PPP2R2A: variants seen among roughly 807,000 people sequenced by gnomAD.
PPP2R2A encodes protein phosphatase 2 regulatory subunit Balpha, also known as serine/threonine-protein phosphatase 2A 55 kDa regulatory subunit B alpha isoform.
Under a neutral mutation model 53.2 loss-of-function variants are expected in PPP2R2A, and 9 were observed. The observed-to-expected ratio is 0.17, with a 90% CI of 0.10 to 0.30. The LOEUF (loss-of-function observed/expected upper bound fraction) is 0.30. Among genes scored for constraint, PPP2R2A ranks in the 10% least tolerant of loss-of-function variants. The probability of loss-of-function intolerance (pLI) is 1.00; values close to 1 mark genes in which losing one functional copy is unlikely to be tolerated. For synonymous variants in PPP2R2A, 169 were observed against 174.2 expected (o/e 0.97, Z 0.23); for missense variants, 235 against 534.6 (o/e 0.44, Z 5.53).
At chr8:26,294,778 A>G (rs1457645188) in intron 2 of PPP2R2A, among the ~76,000 whole-genome samples, 1 of 151,940 alleles carries the variant, frequency 6.6e-6, no homozygotes, top group African/African-American at 2.4e-5. Flanking sequence ...TGTCAGTGTC[A>G]TCCTTAATTG....
Position 26,291,598 on chromosome 8 carries a change from G to A in PPP2R2A, c.-222G>A. 3.6e-6 allele frequency: 2 copies of A among 561,604 alleles called. No homozygotes were observed. The highest frequency in any genetic ancestry group is 4.3e-5 in the South Asian group (2 of 46,154). 34.8% of individuals were successfully genotyped at this position (561,604 alleles called of 1,614,324 possible). A position where few individuals can be genotyped will look rare whatever the true frequency, so the allele number is the denominator to read the frequency against. The stretch of plus-strand genomic sequence containing the variant: ...TGTCGTAGTCGCCGCCGCCGCTGCC[G>A]GAGAAAGAGCACGAGCGGGGAAGCC... On this transcript the variant is annotated 5_prime_UTR_variant, in exon 1 of 10. Coordinates refer to ENST00000380737, the MANE Select transcript of PPP2R2A (RefSeq NM_002717.4).
At chr8:26,365,824 G>A (rs1805344828) in intron 8 of PPP2R2A, 1 of 152,044 alleles carries the variant, frequency 6.6e-6, no homozygotes, top group Admixed American at 6.6e-5. Context: ...ACCAAACCAA[G>A]GCATGGTTAC....
chr8:26,360,332 A>G lies in PPP2R2A; in HGVS notation c.459+51A>G, dbSNP rs767047826. On this transcript the variant is annotated intron_variant, in intron 5 of 9. Transcript: ENST00000380737. The surrounding 1 kb of genome is among the most constrained non-coding windows in gnomAD (Gnocchi z 4.5). ...CAGATAGTGCTTGTATTCATATTAT[A>G]TAGCCCAAATCCTGAGCAGAGCTTG... 1 of 1,079,962 alleles carries G rather than the reference A, an allele frequency of 9.3e-7. No individual in the cohort carries two copies. The highest frequency in any genetic ancestry group is 1.4e-6 in the Non-Finnish European group (1 of 720,750). The allele number at this position is 1,079,962 out of a possible 1,614,324, so 66.9% of individuals were successfully genotyped here. A position where few individuals can be genotyped will look rare whatever the true frequency, so the allele number is the denominator to read the frequency against.
intron 2 of PPP2R2A, among the ~76,000 whole-genome samples, chr8:26,309,299 C>G (rs1443926121): frequency 1.3e-5 from 2 of 152,170 alleles, no homozygotes; most frequent in African/African-American, 2.4e-5. Flanking sequence ...CTTGGATGAG[C>G]AGCAATATTT....
intron 1 of PPP2R2A, chr8:26,292,494 T>G (rs1801345429): frequency 4.2e-6 from 4 of 947,792 alleles, no homozygotes; most frequent in Admixed American, 6.2e-5. Context: ...CATGTTAGCT[T>G]TTTTGCAGAT....
At chr8:26,347,125 T>C (rs775170831) in intron 3 of PPP2R2A, among the ~76,000 whole-genome samples, 4 of 152,218 alleles carry the variant, frequency 2.6e-5, no homozygotes, top group Non-Finnish European at 5.9e-5. Flanking sequence ...GGGATTGTTA[T>C]ATTTTATGAA....
chr8:26,355,986 T>C (rs545321125), intron 4 of PPP2R2A, among the ~76,000 whole-genome samples: 2 of 152,284 alleles, frequency 1.3e-5, no homozygotes, highest in East Asian at 3.9e-4. Flanking sequence ...GTTTGGACTT[T>C]GTTGGGGTCT....
intron 9 of PPP2R2A, among the ~76,000 whole-genome samples, chr8:26,367,339 GT>G: frequency 6.6e-6 from 1 of 152,266 alleles, no homozygotes; most frequent in Admixed American, 6.5e-5. Context: ...AATTTGAAGA[GT>G]AAAGAGATAC....
intron 2 of PPP2R2A, among the ~76,000 whole-genome samples, chr8:26,334,351 C>T (rs1002683369): frequency 1.3e-5 from 2 of 152,140 alleles, no homozygotes; most frequent in African/African-American, 4.8e-5. Flanking sequence ...TATGATAGCT[C>T]TGACAGTGAT....
chr8:26,297,481 T>TA (rs1461760821), intron 2 of PPP2R2A, among the ~76,000 whole-genome samples: 3 of 152,136 alleles, frequency 2.0e-5, no homozygotes, highest in African/African-American at 4.8e-5. Flanking sequence ...AGGCCTTAAA[T>TA]AAAAAATAAA....
chr8:26,299,921 A>G (rs1801705756), intron 2 of PPP2R2A, among the ~76,000 whole-genome samples: 1 of 152,176 alleles, frequency 6.6e-6, no homozygotes, highest in Non-Finnish European at 1.5e-5. Context: ...GTCTTATTTA[A>G]TATCCTTACC....
intron 3 of PPP2R2A, among the ~76,000 whole-genome samples, chr8:26,347,172 C>CT (rs1223241486): frequency 0.019 from 2,672 of 141,454 alleles, 31 homozygotes; most frequent in Middle Eastern, 0.054. Context: ...TAAAATGAAT[C>CT]TTTTTTTTTT....
chr8:26,330,693 T>G (rs1803324786), intron 2 of PPP2R2A, among the ~76,000 whole-genome samples: 1 of 152,154 alleles, frequency 6.6e-6, no homozygotes, highest in East Asian at 1.9e-4. Flanking sequence ...GGACCTTAAT[T>G]CTTTCATTTT....
intron 4 of PPP2R2A, among the ~76,000 whole-genome samples, chr8:26,357,673 G>GT (rs896778029): frequency 3.9e-5 from 6 of 152,032 alleles, no homozygotes; most frequent in African/African-American, 1.4e-4. Context: ...TTCTTGATAA[G>GT]TTTTTTAGGG....
At chr8:26,343,527 A>G (rs1349707307) in intron 3 of PPP2R2A, among the ~76,000 whole-genome samples, 3 of 151,826 alleles carry the variant, frequency 2.0e-5, no homozygotes, top group Non-Finnish European at 4.4e-5. Context: ...GCACACCACC[A>G]CACCTGGCTA....
At chr8:26,333,409 A>C (rs1409288424) in intron 2 of PPP2R2A, 1 of 597,452 alleles carries the variant, frequency 1.7e-6, no homozygotes, top group South Asian at 2.7e-5. Context: ...GAGTATTTCA[A>C]ATACCTTCAG....
Position 26,370,357 on chromosome 8 carries a change from A to G in PPP2R2A, c.1288A>G (p.Ile430Val). 6.2e-7 allele frequency: 1 copy of G among 1,614,226 alleles called. No homozygotes were observed. The highest frequency in any genetic ancestry group is 8.5e-7 in the Non-Finnish European group (1 of 1,180,020). ...LHTAWHPKEN[I>V]IAVATTNNLY... ...CACAGCCTGGCACCCCAAGGAAAAT[A>G]TCATTGCCGTAGCTACTACAAACAA... Residue 430 changes from isoleucine to valine, a missense_variant, in exon 10 of 10, where the codon ATC (isoleucine) becomes GTC (valine). Ile to Val is a conservative substitution (Grantham distance 29). This residue lies in a region of PPP2R2A where 181 missense variants were observed against 409.9 expected (regional missense o/e 0.44). Coordinates refer to ENST00000380737, the MANE Select transcript of PPP2R2A (RefSeq NM_002717.4). This position sits in a 1 kb window ranked among gnomAD's most constrained non-coding sequence, Gnocchi z 6.1.
chr8:26,319,721 G>C (rs573155531), intron 2 of PPP2R2A, among the ~76,000 whole-genome samples: 1 of 152,018 alleles, frequency 6.6e-6, no homozygotes, highest in African/African-American at 2.4e-5. Context: ...AACCCATTAG[G>C]GTGGATTTTT....
rs1805692499 is a variant in PPP2R2A, at chr8:26,372,301, C to T, written c.*1888C>T. On this transcript the variant is annotated 3_prime_UTR_variant, in exon 10 of 10. Coordinates refer to ENST00000380737, the MANE Select transcript of PPP2R2A (RefSeq NM_002717.4). ...ACGCTTGACTTGCAAGTGGGATATT[C>T]CCCTGCCACAAGTGTCAAACAGTGA... The T allele has an allele frequency of 6.6e-6, 1 of 152,168 alleles. No homozygotes were observed. The highest frequency in any genetic ancestry group is 6.5e-5 in the Admixed American group (1 of 15,280). The allele number at this position is 152,168 out of a possible 1,614,324, so 9.4% of individuals were successfully genotyped here. A position where few individuals can be genotyped will look rare whatever the true frequency, so the allele number is the denominator to read the frequency against.
Sources: allele counts gnomAD v4.1 joint callset (sites outside exome capture counted in the v4.1 genomes callset), GRCh38; gene constraint gnomAD v4.1.1; regional missense constraint gnomAD v4.1.1; non-coding constraint Gnocchi (gnomAD v3.1); transcripts MANE v1.5; gene names NCBI Gene and HGNC (gene_info 2026-07-23, HGNC 2026-07-21).